Variants in GRAMD1C observed in about 807,000 individuals in gnomAD.
The protein encoded by GRAMD1C is GRAM domain containing 1C, also known as protein Aster-C.
Under a neutral mutation model 97.8 loss-of-function variants are expected in GRAMD1C, and 89 were observed. The observed-to-expected ratio is 0.91, with a 90% CI of 0.77 to 1.09. The LOEUF (loss-of-function observed/expected upper bound fraction) is 1.09, where lower values mean the gene tolerates loss of function less well. GRAMD1C is among the 50% of genes least tolerant of loss of function. GRAMD1C has a pLI of 0.00. For synonymous variants in GRAMD1C, 256 were observed against 267.0 expected (o/e 0.96, Z 0.40); for missense variants, 740 against 766.4 (o/e 0.97, Z 0.41).
At chr3:113,881,037 T>C (rs1400366070) in intron 5 of GRAMD1C, among the ~76,000 whole-genome samples, 1 of 152,242 alleles carries the variant, frequency 6.6e-6, no homozygotes, top group Non-Finnish European at 1.5e-5. Flanking sequence ...ATTTTAGTTG[T>C]TTTGGGTTCT....
chr3:113,875,630 T>A (rs552214467), intron 4 of GRAMD1C, 43 bp downstream of exon 4: 1 of 849,578 alleles, frequency 1.2e-6, no homozygotes, highest in Admixed American at 1.7e-5. Flanking sequence ...AATAATTGCA[T>A]AGAGATATAT....
intron 6 of GRAMD1C, chr3:113,885,164 C>G: frequency 1.6e-6 from 1 of 612,682 alleles, no homozygotes; most frequent in South Asian, 2.0e-5. Flanking sequence ...GCCGCCCGCT[C>G]CGTGCCCCTC....
intron 6 of GRAMD1C, among the ~76,000 whole-genome samples, chr3:113,889,396 TAA>T (rs1055646643): frequency 2.0e-5 from 3 of 152,142 alleles, no homozygotes; most frequent in African/African-American, 7.2e-5. Context: ...ACAGAAATAG[TAA>T]AGTTATTGCC....
chr3:113,935,857 G>A (rs1392739107), intron 13 of GRAMD1C, among the ~76,000 whole-genome samples: 1 of 152,078 alleles, frequency 6.6e-6, no homozygotes, highest in Non-Finnish European at 1.5e-5. Context: ...TTCCTTTCTT[G>A]TAAACCTTTG....
intron 2 of GRAMD1C, among the ~76,000 whole-genome samples, chr3:113,857,530 C>T (rs1037768207): frequency 1.3e-5 from 2 of 152,072 alleles, no homozygotes; most frequent in Non-Finnish European, 2.9e-5. Context: ...CGCCCACCAC[C>T]ACGCCTGGCT....
intron 1 of GRAMD1C, among the ~76,000 whole-genome samples, chr3:113,839,449 G>C (rs1192152137): frequency 6.6e-6 from 1 of 152,142 alleles, no homozygotes; most frequent in Non-Finnish European, 1.5e-5. Flanking sequence ...CGCTTTTGTT[G>C]GACGGGCGCC....
Position 113,832,039 on chromosome 3 carries a change from G to GTGTTTTTTTTTTTTTTT in GRAMD1C, n.98+3761_98+3762insGTTTTTTTTTTTTTTTT, listed in dbSNP as rs1553713219. Among the ~76,000 whole-genome samples the GTGTTTTTTTTTTTTTTT allele has an allele frequency of 1.3e-5, 2 of 149,418 alleles. 1 individual carries two copies. The highest frequency in any genetic ancestry group is 5.1e-5 in the African/African-American group (2 of 39,224). On this transcript the variant is annotated intron_variant and non_coding_transcript_variant, in intron 1 of 18. Transcript: ENST00000479212. ...TTGAATATTATAATGCAGCAACTTTGTTTTTTTTGAGACAGAGTCTTACTC... is the reference window on the plus strand; with the variant it reads ...TTGAATATTATAATGCAGCAACTTTGTGTTTTTTTTTTTTTTTTTTTTTTTGAGACAGAGTCTTACTC...
intron 10 of GRAMD1C, among the ~76,000 whole-genome samples, chr3:113,920,544 T>C (rs1577206837): frequency 1.3e-5 from 2 of 152,194 alleles, no homozygotes; most frequent in African/African-American, 4.8e-5. Context: ...TCTTTATTTT[T>C]TATTTTTTAT....
rs116997638 is a variant in GRAMD1C at position 113,853,298 on chromosome 3, A to G, written c.174+8649A>G. 2.6e-5 allele frequency among the ~76,000 whole-genome samples: 4 copies of G among 152,360 alleles called. No individual in the cohort carries two copies. In the East Asian group the frequency reaches 7.7e-4, roughly 29 times the overall value. ...TATATACGTATTAGGAAATTCCTCA[A>G]ATTATATCACTGAGAGATAAAGAGA... is the stretch of plus-strand genomic sequence containing the variant. On this transcript the variant is annotated intron_variant, in intron 2 of 17. Coordinates refer to ENST00000358160, the MANE Select transcript of GRAMD1C (RefSeq NM_017577.5).
chr3:113,924,189 G>C (rs1160791752), intron 10 of GRAMD1C, among the ~76,000 whole-genome samples: 1 of 149,526 alleles, frequency 6.7e-6, no homozygotes, highest in Admixed American at 6.7e-5. Context: ...TCTAGCTAGT[G>C]GTCTATTAAT....
intron 2 of GRAMD1C, among the ~76,000 whole-genome samples, chr3:113,855,148 C>T (rs979435494): frequency 2.6e-5 from 4 of 151,920 alleles, no homozygotes; most frequent in East Asian, 1.9e-4. Flanking sequence ...CCTGTCTCTA[C>T]TAGAAGTACA....
At chr3:113,880,936 C>T (rs768159951) in intron 5 of GRAMD1C, among the ~76,000 whole-genome samples, 12 of 152,112 alleles carry the variant, frequency 7.9e-5, no homozygotes, top group Non-Finnish European at 1.5e-4. Context: ...TCAATGATTT[C>T]ATTTTTTCAT....
intron 3 of GRAMD1C, among the ~76,000 whole-genome samples, chr3:113,871,577 CTACAAAAAA>C (rs1934811735): frequency 6.6e-6 from 1 of 151,624 alleles, no homozygotes; most frequent in Non-Finnish European, 1.5e-5. Context: ...AACCCTGTTT[CTACAAAAAA>C]TACAAAAAAT....
chr3:113,885,431 T>A (rs1935436628), intron 6 of GRAMD1C: 7 of 1,571,994 alleles, frequency 4.5e-6, no homozygotes, highest in Non-Finnish European at 5.3e-6. Flanking sequence ...CGATATGATA[T>A]CCTCCCCTTA....
At chr3:113,844,348 G>A (rs1332619768) in intron 1 of GRAMD1C, among the ~76,000 whole-genome samples, 155 bp from the exon 2 acceptor site, 1 of 151,994 alleles carries the variant, frequency 6.6e-6, no homozygotes, top group East Asian at 1.9e-4. Flanking sequence ...ATAACTAGAT[G>A]AACTATTGAA....
intron 6 of GRAMD1C, among the ~76,000 whole-genome samples, chr3:113,887,091 TTTTTG>T (rs1324322492): frequency 8.6e-5 from 10 of 115,804 alleles, no homozygotes; most frequent in Admixed American, 1.8e-4. Flanking sequence ...TTTTGTTTTT[TTTTTG>T]TTTTTTTTTT....
At chr3:113,911,736 T>C (rs1936602094) in intron 9 of GRAMD1C, among the ~76,000 whole-genome samples, 1 of 13,718 alleles carries the variant, frequency 7.3e-5, no homozygotes, top group East Asian at 7.1e-3. Flanking sequence ...TCCTTTTCTT[T>C]CTTTCTTTCC....
At chr3:113,861,304 G>C (rs1050486023) in intron 2 of GRAMD1C, among the ~76,000 whole-genome samples, 1 of 152,126 alleles carries the variant, frequency 6.6e-6, no homozygotes, top group Non-Finnish European at 1.5e-5. Flanking sequence ...GATATGACAT[G>C]AAAATCTCAA....
intron 2 of GRAMD1C, chr3:113,850,194 TG>T: frequency 2.4e-5 from 11 of 459,846 alleles, no homozygotes; most frequent in African/African-American, 4.1e-5. Flanking sequence ...TTTTTTTTTT[TG>T]CTGTACGTTT....
Sources: gnomAD v4.1 joint callset for allele counts (sites outside exome capture counted in the v4.1 genomes callset) on GRCh38, gnomAD v4.1.1 for gene constraint, MANE v1.5 for transcripts, NCBI Gene and HGNC (gene_info 2026-07-23, HGNC 2026-07-21) for gene names.